Variants in ADH4 observed in about 807,000 individuals in gnomAD.
ADH4 encodes the protein alcohol dehydrogenase 4 (class II), pi polypeptide.
ADH4 carries 31 observed loss-of-function variants against 35.2 expected under a neutral mutation model. The observed-to-expected ratio is 0.88, with a 90% CI of 0.66 to 1.19. ADH4 has a LOEUF of 1.19. Among genes scored for constraint, ADH4 ranks in the 50% most tolerant of loss-of-function variants. The pLI is 0.00. For missense variants in ADH4, 476 were observed against 458.3 expected (o/e 1.04, Z -0.35); for synonymous variants, 171 against 160.2 (o/e 1.07, Z -0.51).
intron 5 of ADH4, among the ~76,000 whole-genome samples, chr4:99,133,171 T>C (rs1388169349): frequency 6.6e-6 from 1 of 152,182 alleles, no homozygotes; most frequent in Non-Finnish European, 1.5e-5. Context: ...ATAAATATAA[T>C]ATGCTGCATT....
At chr4:99,125,758 G>A (rs187433258) in intron 8 of ADH4, among the ~76,000 whole-genome samples, 5 of 152,054 alleles carry the variant, frequency 3.3e-5, no homozygotes, top group African/African-American at 1.2e-4. Flanking sequence ...AAGTAGTCTG[G>A]GTCCTCACAC....
At chr4:99,141,810 A>G in intron 2 of ADH4, 128 bp from the exon 3 acceptor site, 4 of 831,438 alleles carry the variant, frequency 4.8e-6, no homozygotes, top group Non-Finnish European at 6.8e-6. Context: ...TAAAAGAATC[A>G]CCTTTTGAAA....
At chr4:99,134,380 G>GTA (rs29001188) in intron 5 of ADH4, among the ~76,000 whole-genome samples, 27 of 151,724 alleles carry the variant, frequency 1.8e-4, no homozygotes, top group African/African-American at 3.1e-4. Context: ...ATTCTACAGT[G>GTA]TATATATATA....
rs574551057 is a variant in ADH4 at position 99,141,849 on chromosome 4, G to T, written c.121-167C>A. ...GAACCAATAAAAATATACTGGGTTA[G>T]ATTATTTTCCTCTTATAATGCATCT... On this transcript the variant is annotated intron_variant, in intron 2 of 8. Coordinates refer to ENST00000265512, the MANE Select transcript of ADH4 (RefSeq NM_000670.5). Among the ~76,000 whole-genome samples, 4 of 152,286 alleles carry T rather than the reference G, an allele frequency of 2.6e-5. No homozygotes were observed. In the East Asian group the frequency reaches 7.7e-4, roughly 29 times the overall value.
At position 99,138,921 on chromosome 4, in the gene ADH4, A is replaced by C. The variant is rs537159910; in HGVS notation, c.350+140T>G. The stretch of plus-strand genomic sequence containing the variant: ...CACATGTTTCTTTGTGTGCACTTGC[A>C]ATAGTATCTTGTACACACCTAGGAT... On this transcript the variant is annotated intron_variant, in intron 4 of 8. Transcript: ENST00000265512. The C allele has an allele frequency of 7.3e-4, 415 of 572,302 alleles. 4 individuals are homozygous for C. In the South Asian group the frequency reaches 1.0e-2, roughly 14 times the overall value. 35.5% of individuals were successfully genotyped at this position (572,302 alleles called of 1,614,324 possible).
chr4:99,131,634 G>T lies in ADH4; in HGVS notation c.713C>A (p.Ala238Asp), dbSNP rs760575599. 2 of 1,614,134 alleles carry T rather than the reference G, an allele frequency of 1.2e-6. No individual in the cohort carries two copies. Among genetic ancestry groups the T allele is most frequent in the South Asian group, 1.1e-5 (1 of 91,086 alleles). The change falls in exon 6 of 9, where the codon GCT becomes GAT. Residue 238 changes from alanine (A) to aspartate (D), a missense_variant. Ala to Asp is a moderately radical substitution (Grantham distance 126, BLOSUM62 -2). Coordinates refer to ENST00000265512, the MANE Select transcript of ADH4 (RefSeq NM_000670.5). Reference protein sequence around the residue: ...IDINSEKFVKAKALGATDCLN... With the variant: ...IDINSEKFVKDKALGATDCLN... ...GCAGTCAGTGGCTCCCAGGGCTTTAGCCTTCACAAACTTCTCACTGTTGAT... is the reference window on the plus strand; with the variant it reads ...GCAGTCAGTGGCTCCCAGGGCTTTATCCTTCACAAACTTCTCACTGTTGAT...
intron 4 of ADH4, among the ~76,000 whole-genome samples, chr4:99,137,353 C>T (rs2110501037): frequency 6.6e-6 from 1 of 152,138 alleles, no homozygotes; most frequent in South Asian, 2.1e-4. Flanking sequence ...GTCTCGAACT[C>T]CTGACTTCGC....
chr4:99,139,938 A>G (rs1729559442), intron 3 of ADH4, among the ~76,000 whole-genome samples: 1 of 152,236 alleles, frequency 6.6e-6, no homozygotes, highest in African/African-American at 2.4e-5. Context: ...TTTGGAATGG[A>G]AAGATACTAA....
Position 99,127,300 on chromosome 4 carries a change from A to G in ADH4, c.888T>C (p.Thr296=), listed in dbSNP as rs1281042808. 1 of 1,612,522 alleles carries G rather than the reference A, an allele frequency of 6.2e-7. No individual in the cohort carries two copies. Among genetic ancestry groups the G allele is most frequent in the African/African-American group, 1.3e-5 (1 of 74,826 alleles). Reference sequence around the variant, plus strand: ...TGCTACCAGCAGCTACTCCAATGAAAGTACATGATCCCCAGCCTGCGGTTG... The same window carrying G: ...TGCTACCAGCAGCTACTCCAATGAAGGTACATGATCCCCAGCCTGCGGTTG... ...DCTTAGWGSC[T]FIGVAAGSKG... Residue 296 remains threonine (T), a synonymous_variant, in exon 7 of 9, where the codon ACT becomes ACC. Transcript: ENST00000265512.
chr4:99,128,413 G>A (rs1341203763), intron 6 of ADH4, among the ~76,000 whole-genome samples: 1 of 152,090 alleles, frequency 6.6e-6, no homozygotes, highest in Non-Finnish European at 1.5e-5. Flanking sequence ...TCCACCGGGC[G>A]ACAGAGTGAG....
In ADH4 at chr4:99,126,696, G is replaced by C. The variant is rs376222749; in HGVS notation, c.1016C>G (p.Thr339Ser). 1.2e-6 allele frequency: 2 copies of C among 1,609,718 alleles called. No homozygotes were observed. The highest frequency in any genetic ancestry group is 2.7e-5 in the African/African-American group (2 of 74,808). ...ATTGAATTTCTTATTCTTATAGTCA[G>C]TGACCAGCTTTGGGATAGAATCTAC... ...KSVDSIPKLVTDYKNKKFNLD... is the reference protein window; with the variant it reads ...KSVDSIPKLVSDYKNKKFNLD... Residue 339 changes from threonine to serine, a missense_variant, in exon 8 of 9, where the codon ACT becomes AGT. Physicochemically the swap from Thr to Ser is moderately conservative, Grantham distance 58. Transcript: ENST00000265512.
chr4:99,136,791 T>A, intron 4 of ADH4, 94 bp from the exon 5 acceptor site: 1 of 807,750 alleles, frequency 1.2e-6, no homozygotes, highest in Non-Finnish European at 1.9e-6. Context: ...GAGCATTATA[T>A]ATTTTTGATG....
rs774863438 is a variant in ADH4 at position 99,139,088 on chromosome 4, G to A, written c.323C>T (p.Pro108Leu). Residue 108 changes from proline (P) to leucine (L), a missense_variant, in exon 4 of 9, where the codon CCA becomes CTA. Physicochemically the swap from Pro to Leu is moderately conservative, Grantham distance 98 (BLOSUM62 -3). Transcript: ENST00000265512. The stretch of plus-strand genomic sequence containing the variant: ...GATTTTCCCACACAAATTTGTGAGT[G>A]GACTCAGACAAAACTTGCATTTTCT... ...LCRKCKFCLS[P>L]LTNLCGKISN... is the part of the protein sequence containing the mutation. The A allele has an allele frequency of 8.7e-6, 14 of 1,612,914 alleles. No homozygotes were observed. Among genetic ancestry groups the A allele is most frequent in the Admixed American group, 6.7e-5 (4 of 59,880 alleles).
In ADH4 at chr4:99,127,444, CT is replaced by C. The variant is rs1729135921; in HGVS notation, c.844-101del. 3 of 918,870 alleles carry C rather than the reference CT, an allele frequency of 3.3e-6. No individual in the cohort carries two copies. The East Asian group carries it at 8.2e-5, about 25-fold the overall frequency. 56.9% of individuals were successfully genotyped at this position (918,870 alleles called of 1,614,324 possible). On this transcript the variant is annotated intron_variant, in intron 6 of 8. Coordinates refer to ENST00000265512, the MANE Select transcript of ADH4 (RefSeq NM_000670.5). Reference sequence around the variant, plus strand: ...GCTTTAGAAAAAAATTAATCCAACTCTGCATGTAAGATAATGGGATTCAAGC... The same window carrying C: ...GCTTTAGAAAAAAATTAATCCAACTCGCATGTAAGATAATGGGATTCAAGC...
At chr4:99,128,968 T>A (rs1729185769) in intron 6 of ADH4, among the ~76,000 whole-genome samples, 1 of 152,010 alleles carries the variant, frequency 6.6e-6, no homozygotes, top group African/African-American at 2.4e-5. Flanking sequence ...CCTGACTAAT[T>A]TTCATATTTT....
chr4:99,134,165 G>T (rs762509576), intron 5 of ADH4, among the ~76,000 whole-genome samples: 24 of 152,130 alleles, frequency 1.6e-4, no homozygotes, highest in Non-Finnish European at 2.5e-4. Flanking sequence ...GATAAATGAC[G>T]AATAGGAGGA....
At chr4:99,127,386 T>C (rs1366568899) in intron 6 of ADH4, 42 bp from the exon 7 acceptor site, 25 of 1,507,266 alleles carry the variant, frequency 1.7e-5, no homozygotes, top group Non-Finnish European at 2.2e-5. Context: ...AGTGGAAAAG[T>C]AGAATATGAA....
intron 3 of ADH4, among the ~76,000 whole-genome samples, chr4:99,141,062 C>T (rs1729597675): frequency 6.6e-6 from 1 of 152,028 alleles, no homozygotes; most frequent in Non-Finnish European, 1.5e-5. Context: ...TAAGTAGGAC[C>T]CAGTGTGCCT....
chr4:99,131,446 ATTAT>A, intron 6 of ADH4, 54 bp downstream of exon 6: 1 of 1,559,088 alleles, frequency 6.4e-7, no homozygotes, highest in South Asian at 1.2e-5. Context: ...ACTTTCCCCT[ATTAT>A]TTGACAGCCA....
Sources: allele counts gnomAD v4.1 joint callset (sites outside exome capture counted in the v4.1 genomes callset), GRCh38; gene constraint gnomAD v4.1.1; transcripts MANE v1.5; gene names NCBI Gene and HGNC (gene_info 2026-07-23, HGNC 2026-07-21).